IL11RA: variants seen among roughly 807,000 people sequenced by gnomAD.
IL11RA encodes interleukin 11 receptor subunit alpha, also known as interleukin-11 receptor subunit alpha.
IL11RA carries 51 observed loss-of-function variants against 57.0 expected under a neutral mutation model. That is an observed-to-expected ratio of 0.89 (90% confidence interval 0.71 to 1.13). The LOEUF is 1.13. Ranked by LOEUF, IL11RA falls within the 50% of genes most tolerant of loss-of-function variation. The pLI, the probability that IL11RA is intolerant of heterozygous loss-of-function variation, is 0.00. For missense variants in IL11RA, 498 were observed against 539.4 expected (o/e 0.92, Z 0.76); for synonymous variants, 199 against 217.5 (o/e 0.91, Z 0.75).
At position 34,660,519 on chromosome 9, in the gene IL11RA, T is replaced by C; in HGVS notation, c.1088T>C (p.Val363Ala). ...TCCCCCTCAGATCACAGGGACTCTG[T>C]GGAGCAGGTAGCTGTGCTGGCGTCT... Reference protein sequence around the residue: ...HPRLLDHRDSVEQVAVLASLG... With the variant: ...HPRLLDHRDSAEQVAVLASLG... Residue 363 changes from valine (V) to alanine (A), a missense_variant, in exon 11 of 13, where the codon GTG (valine) becomes GCG (alanine). By Grantham distance (64) the Val-to-Ala change is moderately conservative. Coordinates refer to ENST00000441545, the MANE Select transcript of IL11RA (RefSeq NM_001142784.3). The C allele has an allele frequency of 6.2e-7, 1 of 1,614,114 alleles. No homozygotes were observed. The highest frequency in any genetic ancestry group is 8.5e-7 in the Non-Finnish European group (1 of 1,179,956).
chr9:34,658,777 G>A lies in IL11RA; in HGVS notation c.810+94G>A. 7.1e-7 allele frequency: 1 copy of A among 1,418,198 alleles called. No individual in the cohort carries two copies. Among genetic ancestry groups the A allele is most frequent in the Non-Finnish European group, 9.8e-7 (1 of 1,019,034 alleles). 87.9% of individuals were successfully genotyped at this position (1,418,198 alleles called of 1,614,324 possible). ...CTGTATAGCTTTCCAGTGCTGGCAG[G>A]TCACTGAAGACCCAACACTTCCCTG... On this transcript the variant is annotated intron_variant, in intron 8 of 12. Coordinates refer to ENST00000441545, the MANE Select transcript of IL11RA (RefSeq NM_001142784.3). This position sits in a 1 kb window ranked among gnomAD's most constrained non-coding sequence, Gnocchi z 4.0.
At position 34,660,563 on chromosome 9, in the gene IL11RA, C is replaced by T; in HGVS notation, c.1132C>T (p.Leu378=). The T allele has an allele frequency of 6.2e-7, 1 of 1,614,170 alleles. No homozygotes were observed. Among genetic ancestry groups the T allele is most frequent in the Non-Finnish European group, 8.5e-7 (1 of 1,180,038 alleles). ...VLASLGILSF[L]GLVAGALALG... ...GGCGTCTTTGGGAATCCTTTCTTTC[C>T]TGGGACTGGTGGCTGGGGCCCTGGC... The change falls in exon 11 of 13, where the codon CTG becomes TTG. Residue 378 remains leucine (L), a synonymous_variant. Coordinates refer to ENST00000441545, the MANE Select transcript of IL11RA (RefSeq NM_001142784.3).
rs1330659078 is a variant in IL11RA at position 34,656,720 on chromosome 9, C to T, written c.162-19C>T. The T allele has an allele frequency of 9.9e-6, 16 of 1,613,858 alleles. No individual in the cohort carries two copies. Among genetic ancestry groups the T allele is most frequent in the African/African-American group, 1.3e-5 (1 of 74,928 alleles). ...TTGACATCTTGTCTTTGTCCATTGT[C>T]ACCTCATCTCACTTCCAGGGACCCA... On this transcript the variant is annotated intron_variant, in intron 3 of 12. Transcript: ENST00000441545.
In IL11RA at chr9:34,653,833, C is replaced by A; in HGVS notation, c.1-1385C>A. 6.6e-6 allele frequency: 1 copy of A among 152,328 alleles called. No individual in the cohort carries two copies. The allele number at this position is 152,328 out of a possible 1,614,324, so 9.4% of individuals were successfully genotyped here. On this transcript the variant is annotated intron_variant, in intron 1 of 12. Transcript: ENST00000441545. This position sits in a 1 kb window ranked among gnomAD's most constrained non-coding sequence, Gnocchi z 4.5. ...GGAGGAGGCAGGAGCAGGGAGGGGG[C>A]CTGGCTAGGGGCGGCAGAGCTCCAG... is the stretch of plus-strand genomic sequence containing the variant.
intron 6 of IL11RA, 37 bp from the exon 7 acceptor site, chr9:34,657,384 G>T (rs1277176525): frequency 7.4e-6 from 12 of 1,614,018 alleles, no homozygotes; most frequent in Non-Finnish European, 8.5e-6. Context: ...CCCACAGTAG[G>T]CATTTTCAAA....
At chr9:34,660,741 A>G (rs1821440292) in intron 11 of IL11RA, 113 bp from the exon 12 acceptor site, 2 of 1,190,576 alleles carry the variant, frequency 1.7e-6, no homozygotes, top group Non-Finnish European at 2.5e-6. Context: ...TCCATCCCCC[A>G]TGCCCCACTT....
chr9:34,659,961 C>A (rs1222719084), intron 9 of IL11RA, 61 bp downstream of exon 9: 10 of 1,591,218 alleles, frequency 6.3e-6, no homozygotes, highest in Non-Finnish European at 8.6e-6. Flanking sequence ...ATCAGCTGAA[C>A]CAGTTCCAAA....
chr9:34,655,354 A>C (rs1257022955), intron 2 of IL11RA, 37 bp downstream of exon 2: 4 of 1,251,100 alleles, frequency 3.2e-6, no homozygotes, highest in Non-Finnish European at 4.7e-6. Flanking sequence ...CCCAACTCTG[A>C]CTTGTGACTT....
At chr9:34,656,032 TA>T in intron 3 of IL11RA, 1 of 303,798 alleles carries the variant, frequency 3.3e-6, no homozygotes, top group South Asian at 3.1e-5. Flanking sequence ...ACTGAGTGGT[TA>T]CTTTTTTTTT....
Position 34,659,824 on chromosome 9 carries a change from A to T in IL11RA, c.876A>T (p.Arg292=). The change falls in exon 9 of 13, where the codon CGA becomes CGT. Residue 292 remains arginine (R), a synonymous_variant. Transcript: ENST00000441545. ...TGGCTGGGCTGCCCCATGCTGTACG[A>T]GTCAGTGCCCGGGACTTTCTAGATG... ...DAVAGLPHAV[R]VSARDFLDAG... 1.2e-6 allele frequency: 2 copies of T among 1,614,178 alleles called. No individual in the cohort carries two copies. Among genetic ancestry groups the T allele is most frequent in the Non-Finnish European group, 1.7e-6 (2 of 1,180,008 alleles).
chr9:34,654,945 G>T (rs905999028), intron 1 of IL11RA: 12 of 410,112 alleles, frequency 2.9e-5, no homozygotes, highest in African/African-American at 2.4e-4. Flanking sequence ...TTTTGTTCTG[G>T]GCCCTAAGCC....
At position 34,657,607 on chromosome 9, in the gene IL11RA, C is replaced by G. The variant is rs924436834; in HGVS notation, c.646+20C>G. ...GCATCTGTGAGTACCCACCCCAGAC[C>G]TCCCCCAGACCCCCATCACAGAGAC... On this transcript the variant is annotated intron_variant, in intron 7 of 12. Transcript: ENST00000441545. 1.2e-6 allele frequency: 2 copies of G among 1,611,888 alleles called. No individual in the cohort carries two copies. Among genetic ancestry groups the G allele is most frequent in the African/African-American group, 2.7e-5 (2 of 74,842 alleles).
intron 11 of IL11RA, 76 bp from the exon 12 acceptor site, chr9:34,660,778 C>T: frequency 7.3e-7 from 1 of 1,373,284 alleles, no homozygotes; most frequent in Admixed American, 1.7e-5. Context: ...TCTCCTGACC[C>T]TTTACTAATA....
At chr9:34,655,174 C>T (rs1344552916) in intron 1 of IL11RA, 44 bp from the exon 2 acceptor site, 1 of 1,359,086 alleles carries the variant, frequency 7.4e-7, no homozygotes, top group African/African-American at 1.4e-5. Flanking sequence ...CTTTAGCCTC[C>T]CATCTCAGGG....
In IL11RA at chr9:34,660,617, G is replaced by C. The variant is rs1404327868; in HGVS notation, c.1169+17G>C. Reference sequence around the variant, plus strand: ...GGGGCTCTGGTAAGTGACTGCCATTGGTCCCTCAGCCTCTGATCCTCACAC... The same window carrying C: ...GGGGCTCTGGTAAGTGACTGCCATTCGTCCCTCAGCCTCTGATCCTCACAC... On this transcript the variant is annotated intron_variant, in intron 11 of 12. Coordinates refer to ENST00000441545, the MANE Select transcript of IL11RA (RefSeq NM_001142784.3). The C allele has an allele frequency of 6.3e-7, 1 of 1,595,466 alleles. No individual in the cohort carries two copies.
At chr9:34,659,948 TC>T in intron 9 of IL11RA, 48 bp downstream of exon 9, 1 of 1,603,926 alleles carries the variant, frequency 6.2e-7, no homozygotes, top group Non-Finnish European at 8.5e-7. Context: ...TCCCAAAGCA[TC>T]TATCAGCTGA....
chr9:34,660,376 C>T lies in IL11RA; in HGVS notation c.1055C>T (p.Pro352Leu). 1 of 1,614,158 alleles carries T rather than the reference C, an allele frequency of 6.2e-7. No homozygotes were observed. Among genetic ancestry groups the T allele is most frequent in the Non-Finnish European group, 8.5e-7 (1 of 1,179,992 alleles). The change falls in exon 10 of 13, where the codon CCA becomes CTA. Residue 352 changes from proline to leucine, a missense_variant. Physicochemically the swap from Pro to Leu is moderately conservative, Grantham distance 98. Coordinates refer to ENST00000441545, the MANE Select transcript of IL11RA (RefSeq NM_001142784.3). ...SPAPPRPSLQ[P>L]HPRLLDHRDS... ...GCTCCTCCAAGGCCCTCCCTCCAAC[C>T]ACACCCTCGGCTACTTGGTGAGCTT...
rs1223787621 is a variant in IL11RA, at chr9:34,660,927, A to C, written c.1243A>C (p.Arg415=). 1.4e-5 allele frequency: 22 copies of C among 1,613,182 alleles called. No individual in the cohort carries two copies. The highest frequency in any genetic ancestry group is 1.9e-5 in the Non-Finnish European group (22 of 1,179,170). ...CTTGGCCTCAGTGATTCCAGTGGAC[A>C]GGCGTCCAGGTGAGTAGGACATCCA... The part of the protein sequence containing the change: ...GFLASVIPVD[R]RPGAPNL Residue 415 remains arginine (R), a synonymous_variant, in exon 12 of 13, where the codon AGG becomes CGG. Coordinates refer to ENST00000441545, the MANE Select transcript of IL11RA (RefSeq NM_001142784.3).
intron 10 of IL11RA, 36 bp from the exon 11 acceptor site, chr9:34,660,468 G>T: frequency 6.2e-7 from 1 of 1,614,084 alleles, no homozygotes; most frequent in African/African-American, 1.3e-5. Context: ...AGCTTGGTCA[G>T]GCTTGCTCTC....
Sources: allele counts gnomAD v4.1 joint callset, GRCh38; gene constraint gnomAD v4.1.1; non-coding constraint Gnocchi (gnomAD v3.1); transcripts MANE v1.5; gene names NCBI Gene and HGNC (gene_info 2026-07-23, HGNC 2026-07-21).